Variants in PKD1 observed in about 807,000 individuals in gnomAD.
PKD1 encodes the protein polycystin-1.
Under a neutral mutation model 361.7 loss-of-function variants are expected in PKD1, and 81 were observed. That is an observed-to-expected ratio of 0.22 (90% CI 0.19 to 0.27). The LOEUF (loss-of-function observed/expected upper bound fraction) is 0.27, where lower values mean the gene tolerates loss of function less well. Ranked by LOEUF, PKD1 falls within the 10% of genes least tolerant of loss-of-function variation. The pLI, the probability that PKD1 is intolerant of heterozygous loss-of-function variation, is 1.00. For missense variants in PKD1, 6,399 were observed against 6,118.3 expected, an observed-to-expected ratio of 1.05 and a Z score of -1.53; for synonymous variants, 3,615 against 2,818.3, an observed-to-expected ratio of 1.28 and a Z score of -8.95.
In PKD1 at chr16:2,107,768, G is replaced by C; in HGVS notation, c.7065+115C>G. 4.0e-6 allele frequency: 4 copies of C among 992,650 alleles called. No individual in the cohort carries two copies. The South Asian group carries it at 4.2e-5, about 10-fold the overall frequency. 61.5% of individuals were successfully genotyped at this position (992,650 alleles called of 1,614,324 possible). A position where few individuals can be genotyped will look rare whatever the true frequency, so the allele number is the denominator to read the frequency against. On this transcript the variant is annotated intron_variant, in intron 16 of 45. Coordinates refer to ENST00000262304, the MANE Select transcript of PKD1 (RefSeq NM_001009944.3). ...GTCGTGTTACATAGAATTTGCATCA[G>C]AAACAGAGAGGGGAGAGCGTGCGGC...
rs1434043088 is a variant in PKD1 at position 2,123,254 on chromosome 16, G to T, written c.216-3876C>A. Among the ~76,000 whole-genome samples the T allele has an allele frequency of 2.0e-5, 3 of 152,042 alleles. No individual in the cohort carries two copies. The South Asian group carries it at 6.2e-4, about 32-fold the overall frequency. On this transcript the variant is annotated intron_variant, in intron 1 of 45. Transcript: ENST00000262304. ...AATGCAGCAAGGTCTTGGGGACCCCGCTCGGCCGAGCTCCCAGGGCCCAGG... is the reference window on the plus strand; with the variant it reads ...AATGCAGCAAGGTCTTGGGGACCCCTCTCGGCCGAGCTCCCAGGGCCCAGG...
rs554224664 is a variant in PKD1, at chr16:2,104,863, G to A, written c.8017-221C>T. Among the ~76,000 whole-genome samples the A allele has an allele frequency of 4.0e-5, 5 of 125,028 alleles. No individual in the cohort carries two copies. In the East Asian group the frequency reaches 7.1e-4, roughly 18 times the overall value. The allele number at this position is 125,028 out of a possible 152,430, so 82.0% of individuals were successfully genotyped here. A position where few individuals can be genotyped will look rare whatever the true frequency, so the allele number is the denominator to read the frequency against. On this transcript the variant is annotated intron_variant, in intron 21 of 45. Coordinates refer to ENST00000262304, the MANE Select transcript of PKD1 (RefSeq NM_001009944.3). ...GTGATGCAGCCCACCGACCACACAA[G>A]GCACCTCTTCACATGAGAGCGGAGG... is the stretch of plus-strand genomic sequence containing the variant.
intron 40 of PKD1, 25 bp downstream of exon 40, chr16:2,092,009 TCCTTGGCGTAGAC>T: frequency 6.2e-7 from 1 of 1,612,648 alleles, no homozygotes. Flanking sequence ...TACTCCCTTG[TCCTTGGCGTAGAC>T]GCCCGGGGCC....
At chr16:2,123,972 C>T (rs1279256043) in intron 1 of PKD1, among the ~76,000 whole-genome samples, 1 of 152,196 alleles carries the variant, frequency 6.6e-6, no homozygotes, top group Non-Finnish European at 1.5e-5. Context: ...GCCGAGCGTC[C>T]GATCTGGAAG....
intron 32 of PKD1, 60 bp downstream of exon 32, chr16:2,097,668 C>T (rs1387751585): frequency 3.1e-6 from 5 of 1,610,642 alleles, no homozygotes; most frequent in Non-Finnish European, 4.2e-6. Flanking sequence ...GCCCGCACAC[C>T]CCCGGCACCC....
At chr16:2,117,180 G>C in intron 6 of PKD1, 127 bp from the exon 7 acceptor site, 2 of 661,742 alleles carry the variant, frequency 3.0e-6, no homozygotes, top group Middle Eastern at 4.1e-4. Context: ...TCAGAGCCCG[G>C]AGACCAGGGC....
chr16:2,108,774 G>A lies in PKD1; in HGVS notation c.6393C>T (p.Ser2131=). The A allele has an allele frequency of 1.9e-6, 3 of 1,572,296 alleles. No homozygotes were observed. Among genetic ancestry groups the A allele is most frequent in the Non-Finnish European group, 2.6e-6 (3 of 1,160,148 alleles). The change falls in exon 15 of 46, where the codon AGC becomes AGT. Residue 2131 remains serine (S), a synonymous_variant. Transcript: ENST00000262304. ...TCACCGTGGCCTGCGCCACGAAGAA[G>A]CTCACCAGGTTGGAGGCGTTCACCT... ...RVQVNASNLV[S]FFVAQATVTV...
At chr16:2,131,205 G>A (rs1049584836) in intron 1 of PKD1, among the ~76,000 whole-genome samples, 3 of 152,140 alleles carry the variant, frequency 2.0e-5, no homozygotes, top group African/African-American at 7.2e-5. Flanking sequence ...AGGAAGGGAA[G>A]CTCCTAGACA....
Position 2,092,079 on chromosome 16 carries a change from C to T in PKD1, c.11379G>A (p.Gly3793=). ...GATCCGGCGCTGAATAGGCCCACGT[C>T]CCCGAGCCATTGTGAGGACTCTCCC... ...VGWESPHNGS[G]TWAYSAPDLL... is the part of the protein sequence containing the mutation. The change falls in exon 40 of 46, where the codon GGG becomes GGA. Residue 3793 remains glycine (G), a synonymous_variant. Coordinates refer to ENST00000262304, the MANE Select transcript of PKD1 (RefSeq NM_001009944.3). The T allele has an allele frequency of 1.9e-6, 3 of 1,612,750 alleles. No homozygotes were observed. Among genetic ancestry groups the T allele is most frequent in the Non-Finnish European group, 2.5e-6 (3 of 1,179,984 alleles).
At chr16:2,093,247 G>A (rs2091682239) in intron 37 of PKD1, 154 bp from the exon 38 acceptor site, 1 of 891,362 alleles carries the variant, frequency 1.1e-6, no homozygotes, top group Non-Finnish European at 1.8e-6. Context: ...CAGGGTAATG[G>A]CAGCACACAC....
chr16:2,088,841 G>A lies in PKD1; in HGVS notation c.*886C>T, dbSNP rs1266459512. 8 of 593,400 alleles carry A rather than the reference G, an allele frequency of 1.3e-5. No homozygotes were observed. The highest frequency in any genetic ancestry group is 2.0e-5 in the South Asian group (1 of 50,460). The allele number at this position is 593,400 out of a possible 1,614,324, so 36.8% of individuals were successfully genotyped here. On this transcript the variant is annotated 3_prime_UTR_variant, in exon 46 of 46. Coordinates refer to ENST00000262304, the MANE Select transcript of PKD1 (RefSeq NM_001009944.3). ...GCACAGCCAGCTCCGAGGGCCTTGAGGCTGCCTGGGCCATACAGCACACTC... is the reference window on the plus strand; with the variant it reads ...GCACAGCCAGCTCCGAGGGCCTTGAAGCTGCCTGGGCCATACAGCACACTC...
In PKD1 at chr16:2,091,395, C is replaced by CGGGGTCTGG. The variant is rs2091567762; in HGVS notation, c.11712+27_11712+28insCCAGACCCC. ...GGGGCGGGACGCTGCCGGTGGGAGG[C>CGGGGTCTGG]GCGGGGTCTGGCCGGGGACGGGCGT... On this transcript the variant is annotated intron_variant, in intron 42 of 45. Transcript: ENST00000262304. The CGGGGTCTGG allele has an allele frequency of 4.0e-6, 4 of 1,001,212 alleles. No homozygotes were observed. The African/African-American group carries it at 8.6e-5, about 21-fold the overall frequency. 62.0% of individuals were successfully genotyped at this position (1,001,212 alleles called of 1,614,324 possible).
Position 2,112,905 on chromosome 16 carries a change from C to G in PKD1, c.3044G>C (p.Arg1015Pro). 1 of 1,606,718 alleles carries G rather than the reference C, an allele frequency of 6.2e-7. No individual in the cohort carries two copies. The highest frequency in any genetic ancestry group is 8.5e-7 in the Non-Finnish European group (1 of 1,179,766). Reference protein sequence around the residue: ...VTVNYNVTVERMNRMQGLQVS... With the variant: ...VTVNYNVTVEPMNRMQGLQVS... ...CTGCAGACCCTGCATCCTGTTCATC[C>G]GCTCCACGGTTACGTTGTAGTTCAC... The change falls in exon 13 of 46, where the codon CGG becomes CCG. Residue 1015 changes from arginine (R) to proline (P), a missense_variant. Arg to Pro is a moderately radical substitution (Grantham distance 103). Coordinates refer to ENST00000262304, the MANE Select transcript of PKD1 (RefSeq NM_001009944.3).
chr16:2,130,313 C>T (rs1567229182), intron 1 of PKD1, among the ~76,000 whole-genome samples: 1 of 152,210 alleles, frequency 6.6e-6, no homozygotes, highest in Non-Finnish European at 1.5e-5. Flanking sequence ...GCTCTCCTGA[C>T]AGAGGCCCTA....
In PKD1 at chr16:2,108,483, G is replaced by A. The variant is rs149862983; in HGVS notation, c.6684C>T (p.Tyr2228=). ...CAAATGACACGACAAACACAAAGCA[G>A]TAGTGCCCCACAGGCAGCGCCAGCC... The part of the protein sequence containing the change: ...LPRLALPVGH[Y]CFVFVVSFGD... Residue 2228 remains tyrosine (Y), a synonymous_variant, in exon 15 of 46, where the codon TAC becomes TAT. Coordinates refer to ENST00000262304, the MANE Select transcript of PKD1 (RefSeq NM_001009944.3). The A allele has an allele frequency of 1.9e-6, 3 of 1,610,392 alleles. No individual in the cohort carries two copies. Among genetic ancestry groups the A allele is most frequent in the South Asian group, 2.2e-5 (2 of 90,990 alleles).
Position 2,109,222 on chromosome 16 carries a change from G to A in PKD1, c.5945C>T (p.Pro1982Leu). Residue 1982 changes from proline (P) to leucine (L), a missense_variant, in exon 15 of 46, where the codon CCT becomes CTT. Transcript: ENST00000262304. The part of the protein sequence containing the change: ...SGLQVPNCCE[P>L]GIATGTERNF... ...CCTCTCAGTGCCCGTGGCGATGCCA[G>A]GCTCGCAGCAGTTGGGCACCTGCAG... 3 of 1,592,202 alleles carry A rather than the reference G, an allele frequency of 1.9e-6. No homozygotes were observed. Among genetic ancestry groups the A allele is most frequent in the Non-Finnish European group, 2.6e-6 (3 of 1,168,194 alleles).
Position 2,093,598 on chromosome 16 carries a change from G to C in PKD1, c.10962C>G (p.Leu3654=), listed in dbSNP as rs769269954. 3.1e-6 allele frequency: 5 copies of C among 1,609,080 alleles called. No homozygotes were observed. The highest frequency in any genetic ancestry group is 2.2e-5 in the East Asian group (1 of 44,784). ...TGCGGGCTTCTTCCTTGGCCAGGAA[G>C]AGTGCAAAGCCGTGGGGTGGCCGTA... ...PRVRPPHGFA[L]FLAKEEARKV... Residue 3654 remains leucine (L), a synonymous_variant, in exon 37 of 46, where the codon CTC becomes CTG. Transcript: ENST00000262304.
chr16:2,107,178 G>A (rs914330576), intron 16 of PKD1: 3 of 589,442 alleles, frequency 5.1e-6, no homozygotes, highest in Middle Eastern at 9.2e-4. Context: ...TGGTGTACTG[G>A]ACCCAGCTGG....
intron 40 of PKD1, 54 bp downstream of exon 40, chr16:2,091,993 G>T: frequency 1.2e-6 from 2 of 1,612,418 alleles, no homozygotes; most frequent in South Asian, 2.2e-5. Flanking sequence ...GGCACTCCTG[G>T]AGAACTACTC....
Sources: allele counts gnomAD v4.1 joint callset (sites outside exome capture counted in the v4.1 genomes callset), GRCh38; gene constraint gnomAD v4.1.1; transcripts MANE v1.5; gene names NCBI Gene and HGNC (gene_info 2026-07-23, HGNC 2026-07-21).